The following FAM169A variants were observed in gnomAD, a reference collection of about 807,000 sequenced individuals.
The protein encoded by FAM169A is family with sequence similarity 169 member A, also known as soluble lamin-associated protein of 75 kDa.
In FAM169A, 24 loss-of-function variants were observed where a neutral mutation model predicts 75.7. The observed-to-expected ratio is 0.32, with a 90% CI of 0.23 to 0.45. FAM169A has a LOEUF of 0.45. FAM169A is among the 20% of genes least tolerant of loss of function. FAM169A has a pLI of 1.00. For synonymous variants in FAM169A, 271 were observed against 271.0 expected, an observed-to-expected ratio of 1.00 and a Z score of 0.00; for missense variants, 673 against 784.0, an observed-to-expected ratio of 0.86 and a Z score of 1.69.
chr5:74,828,352 C>T (rs991912136), intron 5 of FAM169A, among the ~76,000 whole-genome samples: 4 of 152,038 alleles, frequency 2.6e-5, no homozygotes, highest in Non-Finnish European at 5.9e-5. Context: ...CTTCTTTTTT[C>T]TTTTTTTAAA....
Position 74,795,253 on chromosome 5 carries a change from C to T in FAM169A, c.1260+777G>A, listed in dbSNP as rs111571384. On this transcript the variant is annotated intron_variant, in intron 11 of 12. Coordinates refer to ENST00000687041, the MANE Select transcript of FAM169A (RefSeq NM_001376049.1). ...AGCCTGGGTGCAAAGAGCAAAACTCCGTCTCAAAAAGAAAAAGAAAACAAA... is the reference window on the plus strand; with the variant it reads ...AGCCTGGGTGCAAAGAGCAAAACTCTGTCTCAAAAAGAAAAAGAAAACAAA... Among the ~76,000 whole-genome samples the T allele has an allele frequency of 9.8e-3, 1,489 of 152,090 alleles. 6 individuals carry two copies. Among genetic ancestry groups the T allele is most frequent in the Middle Eastern group, 0.024 (7 of 294 alleles).
At chr5:74,814,121 A>T in intron 5 of FAM169A, 102 bp from the exon 6 acceptor site, 1 of 849,016 alleles carries the variant, frequency 1.2e-6, no homozygotes, top group Non-Finnish European at 1.7e-6. Context: ...GTTTTCTTCT[A>T]TATCAAAAAA....
Position 74,813,904 on chromosome 5 carries a change from A to AT in FAM169A, c.605_606insA (p.Phe202LeufsTer3). Reference sequence around the variant, plus strand: ...GCGCATCTTCTGTAAAGGAATCAACAAAGTCCTCCAGCATGTGAAGCCCAA... The same window carrying AT: ...GCGCATCTTCTGTAAAGGAATCAACATAAGTCCTCCAGCATGTGAAGCCCAA... On this transcript the variant is annotated frameshift_variant, in exon 6 of 13. Coordinates refer to ENST00000687041, the MANE Select transcript of FAM169A (RefSeq NM_001376049.1). LOFTEE classifies it high-confidence loss of function. 6.2e-7 allele frequency: 1 copy of AT among 1,609,262 alleles called. No homozygotes were observed. Among genetic ancestry groups the AT allele is most frequent in the Non-Finnish European group, 8.5e-7 (1 of 1,178,766 alleles).
chr5:74,843,231 G>A (rs756337518), intron 1 of FAM169A, among the ~76,000 whole-genome samples: 13 of 152,094 alleles, frequency 8.5e-5, no homozygotes, highest in Non-Finnish European at 1.9e-4. Flanking sequence ...CAAGACAAAA[G>A]AGAAACCATG....
At chr5:74,791,849 G>C (rs1202505437) in intron 11 of FAM169A, among the ~76,000 whole-genome samples, 1 of 152,198 alleles carries the variant, frequency 6.6e-6, no homozygotes, top group African/African-American at 2.4e-5. Flanking sequence ...GCAGAAGAAG[G>C]TAGTCATCAA....
At position 74,850,035 on chromosome 5, in the gene FAM169A, C is replaced by G. The variant is rs77282212; in HGVS notation, c.-3-8356G>C. Among the ~76,000 whole-genome samples, 623 of 152,312 alleles carry G rather than the reference C, an allele frequency of 4.1e-3. 3 individuals are homozygous for G. The highest frequency in any genetic ancestry group is 7.1e-3 in the Non-Finnish European group (480 of 68,024). On this transcript the variant is annotated intron_variant, in intron 1 of 12. Transcript: ENST00000687041. ...TATTTCAAGCAGGAAGCAAAACCAT[C>G]TTTTGAAGTTATAACCACTAATCCG...
Position 74,783,191 on chromosome 5 carries a change from G to A in FAM169A, c.1261-57C>T, listed in dbSNP as rs1320277549. 2.3e-6 allele frequency: 3 copies of A among 1,305,892 alleles called. No homozygotes were observed. In the African/African-American group the frequency reaches 4.4e-5, roughly 19 times the overall value. The allele number at this position is 1,305,892 out of a possible 1,614,324, so 80.9% of individuals were successfully genotyped here. ...GACATGATTACAAACTAACTTATTT[G>A]TCATGCATGACGGGTCCCTTCTCAG... On this transcript the variant is annotated intron_variant, in intron 11 of 12. Transcript: ENST00000687041.
chr5:74,846,477 G>A (rs1210254579), intron 1 of FAM169A, among the ~76,000 whole-genome samples: 1 of 152,164 alleles, frequency 6.6e-6, no homozygotes, highest in African/African-American at 2.4e-5. Flanking sequence ...TTCACTTACT[G>A]TTACTATGAT....
In FAM169A at chr5:74,779,400, C is replaced by T. The variant is rs142619306; in HGVS notation, c.*2060G>A. The T allele has an allele frequency of 1.4e-4, 22 of 152,130 alleles. No individual in the cohort carries two copies. The highest frequency in any genetic ancestry group is 3.4e-3 in the Middle Eastern group (1 of 292). The allele number at this position is 152,130 out of a possible 1,614,324, so 9.4% of individuals were successfully genotyped here. ...GCAAGGATGACACAAATTCATGAAG[C>T]GTTTCCATGTTTAAAATAATTTGAA... On this transcript the variant is annotated 3_prime_UTR_variant, in exon 13 of 13. Transcript: ENST00000687041.
In FAM169A at chr5:74,841,640, G is replaced by A. The variant is rs762026986; in HGVS notation, c.37C>T (p.His13Tyr). The change falls in exon 2 of 13, where the codon CAT becomes TAT. Residue 13 changes from histidine (H) to tyrosine (Y), a missense_variant. Physicochemically the swap from His to Tyr is moderately conservative, Grantham distance 83. Coordinates refer to ENST00000687041, the MANE Select transcript of FAM169A (RefSeq NM_001376049.1). ...TCAGCAGAATTTTCCAATTCCTCAT[G>A]GCTGCAATTTTCCAGCATATCCACA... ...FPVDMLENCS[H>Y]EELENSAEDY... is the part of the protein sequence containing the mutation. 6 of 1,612,682 alleles carry A rather than the reference G, an allele frequency of 3.7e-6. No homozygotes were observed. The Admixed American group carries it at 8.3e-5, about 22-fold the overall frequency.
rs1745488571 is a variant in FAM169A, at chr5:74,782,994, A to G, written c.1401T>C (p.Ser467=). The G allele has an allele frequency of 6.2e-7, 1 of 1,613,962 alleles. No individual in the cohort carries two copies. The highest frequency in any genetic ancestry group is 8.5e-7 in the Non-Finnish European group (1 of 1,179,950). ...CTACCACCAGTGGAACAAGATTTGT[A>G]GAGTCTTCACTGGAATTAAAAGGCT... The part of the protein sequence containing the change: ...KLQPFNSSED[S]TNLVPLVVES... The change falls in exon 12 of 13, where the codon TCT becomes TCC. Residue 467 remains serine, a synonymous_variant. Coordinates refer to ENST00000687041, the MANE Select transcript of FAM169A (RefSeq NM_001376049.1).
intron 10 of FAM169A, chr5:74,799,959 C>T (rs1274846136): frequency 8.6e-6 from 7 of 815,596 alleles, no homozygotes; most frequent in Admixed American, 1.7e-5. Flanking sequence ...GAAGATGCTG[C>T]GCCAGAATAG....
At chr5:74,815,707 G>C (rs1262655856) in intron 5 of FAM169A, among the ~76,000 whole-genome samples, 1 of 152,142 alleles carries the variant, frequency 6.6e-6, no homozygotes, top group African/African-American at 2.4e-5. Context: ...ACAAGATGCA[G>C]GTCATAAACA....
chr5:74,810,545 C>T (rs1342544647), intron 6 of FAM169A, among the ~76,000 whole-genome samples: 4 of 151,688 alleles, frequency 2.6e-5, no homozygotes, highest in African/African-American at 7.3e-5. Flanking sequence ...GTCGGGAGAT[C>T]GAGACCATCC....
rs766707635 is a variant in FAM169A, at chr5:74,839,053, A to G, written c.233-3T>C. 1.9e-6 allele frequency: 3 copies of G among 1,606,352 alleles called. No individual in the cohort carries two copies. On this transcript the variant is annotated splice_polypyrimidine_tract_variant and splice_region_variant and intron_variant, in intron 3 of 12. Coordinates refer to ENST00000687041, the MANE Select transcript of FAM169A (RefSeq NM_001376049.1). The stretch of plus-strand genomic sequence containing the variant: ...ATCAGCAAGGTAAAGTGCCACAGCT[A>G]AAATAGAATAAATAATCATTAACAC...
chr5:74,789,151 C>T (rs1305454291), intron 11 of FAM169A, among the ~76,000 whole-genome samples: 1 of 152,214 alleles, frequency 6.6e-6, no homozygotes, highest in Non-Finnish European at 1.5e-5. Flanking sequence ...AGACCTTGAT[C>T]GCTTTTCACT....
intron 8 of FAM169A, 52 bp from the exon 9 acceptor site, chr5:74,801,681 A>C (rs1449009396): frequency 7.4e-7 from 1 of 1,343,652 alleles, no homozygotes; most frequent in Non-Finnish European, 1.1e-6. Flanking sequence ...TTTTCTCCCT[A>C]TGGATCTATT....
chr5:74,858,010 T>C (rs1316492020), intron 1 of FAM169A, among the ~76,000 whole-genome samples: 1 of 152,192 alleles, frequency 6.6e-6, no homozygotes, highest in African/African-American at 2.4e-5. Flanking sequence ...TAATTTCAAG[T>C]ATTTTTAGAT....
At chr5:74,821,688 T>A (rs1170353121) in intron 5 of FAM169A, among the ~76,000 whole-genome samples, 2 of 152,238 alleles carry the variant, frequency 1.3e-5, no homozygotes, top group Non-Finnish European at 2.9e-5. Flanking sequence ...CCTTTTTTGT[T>A]CAAATTAACA....
Sources: gnomAD v4.1 joint callset for allele counts (sites outside exome capture counted in the v4.1 genomes callset) on GRCh38, gnomAD v4.1.1 for gene constraint, MANE v1.5 for transcripts, NCBI Gene and HGNC (gene_info 2026-07-23, HGNC 2026-07-21) for gene names.